LRFN5: variants seen among roughly 807,000 people sequenced by gnomAD.
LRFN5 encodes the protein leucine-rich repeat and fibronectin type-III domain-containing protein 5.
Under a neutral mutation model 45.6 loss-of-function variants are expected in LRFN5, and 24 were observed. The observed-to-expected ratio is 0.53, with a 90% CI of 0.38 to 0.74. LRFN5 has a LOEUF of 0.74. Among genes scored for constraint, LRFN5 ranks in the 30% least tolerant of loss-of-function variants. The pLI is 0.00. For missense variants in LRFN5, 776 were observed against 861.5 expected, an observed-to-expected ratio of 0.90 and a Z score of 1.24; for synonymous variants, 340 against 313.8, an observed-to-expected ratio of 1.08 and a Z score of -0.88.
intron 1 of LRFN5, chr14:41,699,680 C>G (rs1230068225): frequency 2.6e-5 from 4 of 152,098 alleles, no homozygotes; most frequent in African/African-American, 7.2e-5. Context: ...TTATGTGACA[C>G]TAACACTCCG....
intron 1 of LRFN5, among the ~76,000 whole-genome samples, chr14:41,669,903 G>A (rs1881084271): frequency 1.3e-5 from 2 of 150,922 alleles, no homozygotes; most frequent in African/African-American, 4.9e-5. Flanking sequence ...TCACTATTTG[G>A]AAATGTGGAA....
chr14:41,821,379 G>T (rs1034657504), intron 2 of LRFN5, among the ~76,000 whole-genome samples: 1 of 151,504 alleles, frequency 6.6e-6, no homozygotes, highest in African/African-American at 2.4e-5. Context: ...TACTTTCTTT[G>T]CATCTATTGA....
intron 1 of LRFN5, among the ~76,000 whole-genome samples, chr14:41,760,029 G>A (rs1885593924): frequency 6.6e-6 from 1 of 152,046 alleles, no homozygotes; most frequent in African/African-American, 2.4e-5. Context: ...GTACAATATC[G>A]CAACCAAGAA....
intron 1 of LRFN5, among the ~76,000 whole-genome samples, chr14:41,763,128 A>C (rs1885738356): frequency 6.6e-6 from 1 of 152,212 alleles, no homozygotes; most frequent in Non-Finnish European, 1.5e-5. Context: ...TAAGGGTAAC[A>C]AAACTGTTGC....
chr14:41,891,805 TG>T lies in LRFN5; in HGVS notation c.1943del (p.Gly648AlafsTer31). On this transcript the variant is annotated frameshift_variant, in exon 4 of 6. Transcript: ENST00000298119. LOFTEE classifies it high-confidence loss of function. ...SVSQKQKRKT[G>X]TKPSTEPQNE... ...TGTCCCAAAAGCAGAAAAGAAAGAC[TG>T]GCACAAAGCCAAGTACAGAACCACA... is the stretch of plus-strand genomic sequence containing the variant. 1 of 1,614,132 alleles carries T rather than the reference TG, an allele frequency of 6.2e-7. No homozygotes were observed. The highest frequency in any genetic ancestry group is 8.5e-7 in the Non-Finnish European group (1 of 1,180,016).
chr14:41,864,956 CT>C (rs1889788556), intron 2 of LRFN5, among the ~76,000 whole-genome samples: 1 of 151,960 alleles, frequency 6.6e-6, no homozygotes, highest in Admixed American at 6.6e-5. Context: ...TAGTTAATTA[CT>C]TTGCCACTTT....
chr14:41,611,883 G>T (rs1010833693), intron 1 of LRFN5, among the ~76,000 whole-genome samples: 36 of 152,272 alleles, frequency 2.4e-4, no homozygotes, highest in South Asian at 4.1e-4. Flanking sequence ...ACCTGTGGGA[G>T]AATACCCCCA....
At chr14:41,876,532 G>A (rs1221264665) in intron 2 of LRFN5, among the ~76,000 whole-genome samples, 9 of 150,372 alleles carry the variant, frequency 6.0e-5, no homozygotes, top group African/African-American at 2.0e-4. Flanking sequence ...TCCTGACCTC[G>A]TGATCCACCC....
intron 4 of LRFN5, 86 bp from the exon 5 acceptor site, chr14:41,898,831 A>G: frequency 8.3e-7 from 1 of 1,207,550 alleles, no homozygotes; most frequent in Non-Finnish European, 1.2e-6. Flanking sequence ...GATATGAAGT[A>G]TTACCAAGAT....
At chr14:41,669,592 A>G (rs1005226436) in intron 1 of LRFN5, among the ~76,000 whole-genome samples, 1 of 151,964 alleles carries the variant, frequency 6.6e-6, no homozygotes, top group Non-Finnish European at 1.5e-5. Flanking sequence ...TACTATTGGC[A>G]TGGTTGTCGC....
chr14:41,858,019 A>G (rs1283433714), intron 2 of LRFN5, among the ~76,000 whole-genome samples: 2 of 152,216 alleles, frequency 1.3e-5, no homozygotes, highest in Admixed American at 1.3e-4. Context: ...TTAGAGCTAA[A>G]TTGGAGAAAG....
intron 2 of LRFN5, among the ~76,000 whole-genome samples, chr14:41,885,793 G>T (rs1890547558): frequency 6.6e-6 from 1 of 152,004 alleles, no homozygotes; most frequent in Admixed American, 6.6e-5. Context: ...GAAGCGGGCG[G>T]ATCACCTGAG....
intron 1 of LRFN5, among the ~76,000 whole-genome samples, chr14:41,691,672 C>A (rs187734301): frequency 6.6e-6 from 1 of 152,052 alleles, no homozygotes; most frequent in East Asian, 1.9e-4. Flanking sequence ...GATTTTTTAA[C>A]AATTGTGTAC....
intron 5 of LRFN5, among the ~76,000 whole-genome samples, chr14:41,899,938 T>C (rs565197363): frequency 6.6e-6 from 1 of 152,248 alleles, no homozygotes; most frequent in East Asian, 1.9e-4. Flanking sequence ...TGTGTTCTAT[T>C]GTATGCAGTG....
In LRFN5 at chr14:41,872,710, G is replaced by A. The variant is rs1227928258; in HGVS notation, c.-20-13896G>A. 2.0e-5 allele frequency among the ~76,000 whole-genome samples: 3 copies of A among 152,142 alleles called. No homozygotes were observed. In the East Asian group the frequency reaches 5.8e-4, roughly 29 times the overall value. ...TCAGTTATCTCCGTGTAAGCAGCCTGCTGTGAAGTTCTCAACATTTTCGCT... is the reference window on the plus strand; with the variant it reads ...TCAGTTATCTCCGTGTAAGCAGCCTACTGTGAAGTTCTCAACATTTTCGCT... On this transcript the variant is annotated intron_variant, in intron 2 of 5. Transcript: ENST00000298119.
chr14:41,786,777 T>G (rs1594708464), intron 2 of LRFN5, among the ~76,000 whole-genome samples: 1 of 152,184 alleles, frequency 6.6e-6, no homozygotes, highest in South Asian at 2.1e-4. Context: ...AGGACACTGA[T>G]GCACGATACC....
chr14:41,711,801 A>G (rs1883295366), intron 1 of LRFN5, among the ~76,000 whole-genome samples: 2 of 152,336 alleles, frequency 1.3e-5, no homozygotes, highest in South Asian at 4.1e-4. Context: ...AGAAGAAGTC[A>G]AAGAAAACAG....
chr14:41,856,675 A>ATTATTATTATTATTATTATTT, intron 2 of LRFN5, among the ~76,000 whole-genome samples: 1 of 18,328 alleles, frequency 5.5e-5, no homozygotes, highest in African/African-American at 1.3e-4. Context: ...TATTATTATT[A>ATTATTATTATTATTATTATTT]TTTTTTTTTT....
At chr14:41,852,274 C>A (rs1173672720) in intron 2 of LRFN5, among the ~76,000 whole-genome samples, 1 of 151,758 alleles carries the variant, frequency 6.6e-6, no homozygotes, top group Non-Finnish European at 1.5e-5. Context: ...ATCTATACTT[C>A]TTTTTTTGCA....
Sources: allele counts gnomAD v4.1 joint callset (sites outside exome capture counted in the v4.1 genomes callset), GRCh38; gene constraint gnomAD v4.1.1; transcripts MANE v1.5; gene names NCBI Gene and HGNC (gene_info 2026-07-23, HGNC 2026-07-21).